The following TRPS1 variants were observed in gnomAD, a reference collection of about 807,000 sequenced individuals.
The protein encoded by TRPS1 is transcriptional repressor GATA binding 1, also known as zinc finger transcription factor Trps1.
TRPS1 carries 6 observed loss-of-function variants against 101.2 expected under a neutral mutation model. The ratio of observed to expected loss-of-function variants is 0.06; its 90% confidence interval spans 0.03 to 0.12. The LOEUF (loss-of-function observed/expected upper bound fraction) is 0.12. TRPS1 is among the 10% of genes least tolerant of loss of function. The pLI is 1.00. For missense variants in TRPS1, 1,363 were observed against 1,567.0 expected (o/e 0.87, Z 2.20); for synonymous variants, 578 against 589.8 (o/e 0.98, Z 0.29).
At chr8:115,601,334 G>C (rs931925466) in intron 4 of TRPS1, among the ~76,000 whole-genome samples, 6 of 152,106 alleles carry the variant, frequency 3.9e-5, no homozygotes, top group Admixed American at 1.3e-4. Context: ...TATCTTAAAA[G>C]GGGAGCATTT....
intron 5 of TRPS1, among the ~76,000 whole-genome samples, chr8:115,543,520 C>T (rs1816501594): frequency 6.6e-6 from 1 of 151,952 alleles, no homozygotes; most frequent in Admixed American, 6.6e-5. Flanking sequence ...CTAAGATATG[C>T]AAGTGAGCAT....
intron 5 of TRPS1, among the ~76,000 whole-genome samples, chr8:115,511,808 G>A (rs1437146861): frequency 6.6e-6 from 1 of 151,718 alleles, no homozygotes; most frequent in Non-Finnish European, 1.5e-5. Flanking sequence ...TCAAAAAGAT[G>A]GATAAGACAT....
chr8:115,615,492 G>A (rs1473210615), intron 3 of TRPS1, among the ~76,000 whole-genome samples: 1 of 152,204 alleles, frequency 6.6e-6, no homozygotes, highest in African/African-American at 2.4e-5. Context: ...GAAGCTAGCA[G>A]GGCGCGGTGG....
chr8:115,564,293 T>C (rs1315255561), intron 5 of TRPS1, among the ~76,000 whole-genome samples: 1 of 152,148 alleles, frequency 6.6e-6, no homozygotes, highest in Non-Finnish European at 1.5e-5. Flanking sequence ...TCACAGGGTA[T>C]TTTTTAACCC....
intron 5 of TRPS1, chr8:115,515,308 C>T: frequency 1.4e-6 from 1 of 694,990 alleles, no homozygotes; most frequent in Non-Finnish European, 2.6e-6. Flanking sequence ...CGAAGAAGTA[C>T]AGTAAAAAAG....
At chr8:115,606,229 G>A (rs190743161) in intron 3 of TRPS1, among the ~76,000 whole-genome samples, 27 of 152,266 alleles carry the variant, frequency 1.8e-4, no homozygotes, top group Non-Finnish European at 3.7e-4. Context: ...AGTACACTGA[G>A]AGATATGTTT....
At chr8:115,442,289 C>T (rs147865075) in intron 5 of TRPS1, among the ~76,000 whole-genome samples, 8 of 152,228 alleles carry the variant, frequency 5.3e-5, no homozygotes, top group African/African-American at 9.6e-5. Flanking sequence ...ACAACAAACA[C>T]TTTTACCCAC....
intron 5 of TRPS1, among the ~76,000 whole-genome samples, chr8:115,419,812 A>T (rs1813007855): frequency 6.6e-6 from 1 of 152,166 alleles, no homozygotes; most frequent in African/African-American, 2.4e-5. Flanking sequence ...ATCCAGATGC[A>T]AGTGCTATCA....
intron 1 of TRPS1, chr8:115,668,042 G>A: frequency 1.3e-6 from 1 of 746,154 alleles, no homozygotes. Context: ...AGGGGGAGTG[G>A]GGCTGCGAGG....
intron 5 of TRPS1, among the ~76,000 whole-genome samples, chr8:115,527,734 T>C (rs1257085834): frequency 2.0e-5 from 3 of 152,024 alleles, no homozygotes; most frequent in Non-Finnish European, 2.9e-5. Context: ...TGAAGAGACA[T>C]TTACCTCCCC....
At chr8:115,610,182 T>TA (rs1449926694) in intron 3 of TRPS1, among the ~76,000 whole-genome samples, 1 of 152,088 alleles carries the variant, frequency 6.6e-6, no homozygotes, top group Non-Finnish European at 1.5e-5. Flanking sequence ...GGTACTAATT[T>TA]AAGAGAACTT....
At chr8:115,610,313 G>A (rs191363149) in intron 3 of TRPS1, among the ~76,000 whole-genome samples, 25 of 152,258 alleles carry the variant, frequency 1.6e-4, no homozygotes, top group African/African-American at 3.9e-4. Flanking sequence ...TGTAAGGGCC[G>A]ATCTTAGCGG....
chr8:115,424,785 C>T (rs1028748096), intron 5 of TRPS1, among the ~76,000 whole-genome samples: 2 of 152,206 alleles, frequency 1.3e-5, no homozygotes, highest in Non-Finnish European at 2.9e-5. Context: ...CTATCAATCA[C>T]ATTGTTCTAT....
chr8:115,459,216 T>C (rs1386890360), intron 5 of TRPS1, among the ~76,000 whole-genome samples: 2 of 152,016 alleles, frequency 1.3e-5, no homozygotes, highest in Admixed American at 6.6e-5. Flanking sequence ...CAGGTGCCTG[T>C]AAATCCCAGC....
chr8:115,461,107 T>C (rs1814157243), intron 5 of TRPS1, among the ~76,000 whole-genome samples: 1 of 152,106 alleles, frequency 6.6e-6, no homozygotes, highest in African/African-American at 2.4e-5. Flanking sequence ...TCATACAATA[T>C]AATGAAAAAT....
chr8:115,469,151 C>CA (rs1189048898), intron 5 of TRPS1, among the ~76,000 whole-genome samples: 2 of 151,964 alleles, frequency 1.3e-5, no homozygotes, highest in African/African-American at 4.8e-5. Flanking sequence ...AAAACAAAAA[C>CA]AAAAACAAAA....
chr8:115,514,637 A>G (rs1175014940), intron 5 of TRPS1, among the ~76,000 whole-genome samples: 2 of 151,630 alleles, frequency 1.3e-5, no homozygotes, highest in South Asian at 2.1e-4. Flanking sequence ...CATGCAAAAG[A>G]TATTTTGCAC....
intron 1 of TRPS1, among the ~76,000 whole-genome samples, chr8:115,651,736 T>G (rs567581422): frequency 6.6e-6 from 1 of 152,092 alleles, no homozygotes; most frequent in African/African-American, 2.4e-5. Flanking sequence ...GAAGTGAACA[T>G]GCCGAGGAAC....
Position 115,603,923 on chromosome 8 carries a change from G to A in TRPS1, c.2046C>T (p.Thr682=), listed in dbSNP as rs1406495167. 1 of 1,613,866 alleles carries A rather than the reference G, an allele frequency of 6.2e-7. No homozygotes were observed. Among genetic ancestry groups the A allele is most frequent in the Admixed American group, 1.7e-5 (1 of 59,960 alleles). The change falls in exon 4 of 7, where the codon ACC becomes ACT. Residue 682 remains threonine, a synonymous_variant. Coordinates refer to ENST00000395715, the MANE Select transcript of TRPS1 (RefSeq NM_014112.5). ...SVKESKEHSC[T]KCDFITQVEE... is the part of the protein sequence containing the mutation. ...CCACTTGGGTAATAAAATCACATTT[G>A]GTACATGAGTGTTCTTTGCTTTCCT...
Sources: allele counts gnomAD v4.1 joint callset (sites outside exome capture counted in the v4.1 genomes callset), GRCh38; gene constraint gnomAD v4.1.1; transcripts MANE v1.5; gene names NCBI Gene and HGNC (gene_info 2026-07-23, HGNC 2026-07-21).